Variants in NRXN3 observed in about 807,000 individuals in gnomAD.
NRXN3 encodes neurexin 3.
A neutral mutation model predicts 137.6 loss-of-function variants in NRXN3; 32 were observed. The ratio of observed to expected loss-of-function variants is 0.23; its 90% confidence interval spans 0.18 to 0.31. The LOEUF (loss-of-function observed/expected upper bound fraction) is 0.31, where lower values mean the gene tolerates loss of function less well. Ranked by LOEUF, NRXN3 falls within the 10% of genes least tolerant of loss-of-function variation. The probability of loss-of-function intolerance (pLI) is 1.00; values close to 1 mark genes in which losing one functional copy is unlikely to be tolerated. For missense variants in NRXN3, 1,574 were observed against 2,062.5 expected, an observed-to-expected ratio of 0.76 and a Z score of 4.59; for synonymous variants, 798 against 784.5, an observed-to-expected ratio of 1.02 and a Z score of -0.29.
intron 15 of NRXN3, among the ~76,000 whole-genome samples, chr14:79,462,046 T>A (rs2096351066): frequency 6.6e-6 from 1 of 152,180 alleles, no homozygotes. Flanking sequence ...TTGTTATAAT[T>A]GTCCACAAGT....
chr14:78,309,099 G>A (rs564053458), intron 4 of NRXN3, among the ~76,000 whole-genome samples: 8 of 152,110 alleles, frequency 5.3e-5, no homozygotes, highest in Non-Finnish European at 1.0e-4. Context: ...ACCTATTTGC[G>A]TATTGACTGG....
rs149817172 is a variant in NRXN3, at chr14:79,071,436, A to T, written c.3262+83295A>T. Among the ~76,000 whole-genome samples, 1,126 of 152,244 alleles carry T rather than the reference A, an allele frequency of 7.4e-3. 11 individuals carry two copies. Among genetic ancestry groups the T allele is most frequent in the African/African-American group, 0.026 (1,085 of 41,544 alleles). ...GTGTGAGGTTCCCCTCCCTGTGTCC[A>T]TGTGTTCTCATTGAGAAACACATTT... On this transcript the variant is annotated intron_variant, in intron 15 of 20. Transcript: ENST00000335750.
intron 15 of NRXN3, among the ~76,000 whole-genome samples, chr14:79,031,883 G>T (rs2099608838): frequency 6.6e-6 from 1 of 152,108 alleles, no homozygotes; most frequent in African/African-American, 2.4e-5. Flanking sequence ...TAAACGTGGT[G>T]CAGGAAAAAG....
At chr14:79,486,913 TTCTCTCTC>T (rs58861355) in intron 16 of NRXN3, among the ~76,000 whole-genome samples, 2,139 of 128,532 alleles carry the variant, frequency 0.017, 40 homozygotes, top group Middle Eastern at 0.039. Context: ...TCTTTACAGG[TTCTCTCTC>T]TCTCTCTCTC....
intron 4 of NRXN3, among the ~76,000 whole-genome samples, chr14:78,634,846 G>GTA (rs1447441298): frequency 2.0e-5 from 3 of 151,836 alleles, no homozygotes; most frequent in African/African-American, 7.3e-5. Context: ...GTATGTATGT[G>GTA]TATATATATA....
intron 10 of NRXN3, among the ~76,000 whole-genome samples, chr14:78,870,136 A>G (rs1278667074): frequency 1.3e-5 from 2 of 152,204 alleles, no homozygotes; most frequent in Non-Finnish European, 2.9e-5. Flanking sequence ...AGTTCTTACT[A>G]AACTGACTTA....
chr14:78,355,496 A>G (rs1303466916), intron 4 of NRXN3, among the ~76,000 whole-genome samples: 1 of 152,020 alleles, frequency 6.6e-6, no homozygotes, highest in African/African-American at 2.4e-5. Context: ...GCTCACTGCC[A>G]CCTCCACCTC....
chr14:79,410,946 G>A (rs1033870911), intron 15 of NRXN3, among the ~76,000 whole-genome samples: 5 of 152,058 alleles, frequency 3.3e-5, no homozygotes, highest in Admixed American at 3.3e-4. Flanking sequence ...TTTTGGGGGG[G>A]AAGATGTAGG....
chr14:78,600,859 A>G (rs545821489), intron 4 of NRXN3, among the ~76,000 whole-genome samples: 4 of 152,364 alleles, frequency 2.6e-5, no homozygotes, highest in African/African-American at 9.6e-5. Context: ...GAAATGGAAG[A>G]ATGAAAAACT....
At chr14:78,891,804 G>A (rs780914037) in intron 10 of NRXN3, among the ~76,000 whole-genome samples, 63 of 151,920 alleles carry the variant, frequency 4.1e-4, no homozygotes, top group East Asian at 7.8e-4. Context: ...AAATGTATGC[G>A]TCTGCAATAA....
Position 78,966,210 on chromosome 14 carries a change from G to C in NRXN3, c.2581G>C (p.Ala861Pro). ...NGDIDYCELK[A>P]RFGLRNIIAD... The stretch of plus-strand genomic sequence containing the variant: ...TGACATTGATTATTGTGAGCTGAAG[G>C]CTCGTTTTGGACTGAGGAACATCAT... The change falls in exon 12 of 21, where the codon GCT becomes CCT. Residue 861 changes from alanine to proline, a missense_variant. By Grantham distance (27) the Ala-to-Pro change is conservative. This residue lies in a region of NRXN3 where 718 missense variants were observed against 887.6 expected (regional missense o/e 0.81). Transcript: ENST00000335750. 1 of 1,614,150 alleles carries C rather than the reference G, an allele frequency of 6.2e-7. No individual in the cohort carries two copies. Among genetic ancestry groups the C allele is most frequent in the Non-Finnish European group, 8.5e-7 (1 of 1,180,040 alleles).
intron 16 of NRXN3, among the ~76,000 whole-genome samples, chr14:79,610,381 A>T (rs172712): frequency 5.3e-5 from 8 of 151,948 alleles, no homozygotes; most frequent in African/African-American, 1.7e-4. Flanking sequence ...TTTAAATTTC[A>T]TGGTAGTATT....
rs76429429 is a variant in NRXN3, at chr14:78,339,687, C to A, written c.757+41827C>A. 2.6e-5 allele frequency among the ~76,000 whole-genome samples: 4 copies of A among 152,122 alleles called. No homozygotes were observed. In the East Asian group the frequency reaches 7.7e-4, roughly 29 times the overall value. ...ATCCCTCCTCTGTACACATGTGGAC[C>A]CTTAAGATGAGTTCCTTGGATGCTA... is the stretch of plus-strand genomic sequence containing the variant. On this transcript the variant is annotated intron_variant, in intron 4 of 20. Coordinates refer to ENST00000335750, the MANE Select transcript of NRXN3 (RefSeq NM_001330195.2).
chr14:79,118,672 C>A (rs2653539), intron 15 of NRXN3, among the ~76,000 whole-genome samples: 1 of 152,342 alleles, frequency 6.6e-6, no homozygotes, highest in South Asian at 2.1e-4. Context: ...TAATCTGGCT[C>A]TTATAGTGGA....
chr14:79,611,025 TGC>T (rs2098092087), intron 16 of NRXN3, among the ~76,000 whole-genome samples: 1 of 152,136 alleles, frequency 6.6e-6, no homozygotes, highest in Non-Finnish European at 1.5e-5. Flanking sequence ...TTTGTTGGAT[TGC>T]TGCTGCTGGG....
intron 15 of NRXN3, among the ~76,000 whole-genome samples, chr14:79,061,268 C>G (rs1459250867): frequency 6.6e-6 from 1 of 152,162 alleles, no homozygotes; most frequent in East Asian, 1.9e-4. Flanking sequence ...AATACTCTCA[C>G]AAGCAAAAGT....
intron 1 of NRXN3, among the ~76,000 whole-genome samples, chr14:78,186,718 TC>T (rs1359999838): frequency 6.6e-6 from 1 of 152,180 alleles, no homozygotes; most frequent in Admixed American, 6.5e-5. Context: ...TTGGTGATTT[TC>T]CTCCTGTGTG....
At position 79,031,823 on chromosome 14, in the gene NRXN3, T is replaced by A. The variant is rs1267698565; in HGVS notation, c.3262+43682T>A. ...AAACATGGATCTTCATTGGACCATA[T>A]GTAAATTAATCAAATTATCTCCAGT... On this transcript the variant is annotated intron_variant, in intron 15 of 20. Transcript: ENST00000335750. Among the ~76,000 whole-genome samples, 3 of 152,194 alleles carry A rather than the reference T, an allele frequency of 2.0e-5. 1 individual carries two copies. The highest frequency in any genetic ancestry group is 2.0e-4 in the Admixed American group (3 of 15,268).
chr14:78,943,656 ATATATATATATATATATATATATC>A (rs2099359415), intron 10 of NRXN3, among the ~76,000 whole-genome samples: 2 of 76,158 alleles, frequency 2.6e-5, no homozygotes, highest in African/African-American at 7.6e-5. Flanking sequence ...ATATATATAT[ATATATATATATATATATATATATC>A]TCAAAGAATC....
Sources: gnomAD v4.1 joint callset for allele counts (sites outside exome capture counted in the v4.1 genomes callset) on GRCh38, gnomAD v4.1.1 for gene constraint, gnomAD v4.1.1 regional missense constraint, MANE v1.5 for transcripts, NCBI Gene and HGNC (gene_info 2026-07-23, HGNC 2026-07-21) for gene names.